The following CTNNA3 variants were observed in gnomAD, a reference collection of about 807,000 sequenced individuals.
CTNNA3 encodes the protein catenin alpha 3, also known as catenin alpha-3.
A neutral mutation model predicts 95.7 loss-of-function variants in CTNNA3; 76 were observed. The ratio of observed to expected loss-of-function variants is 0.79; its 90% CI spans 0.66 to 0.96. CTNNA3 has a LOEUF of 0.96. Among genes scored for constraint, CTNNA3 ranks in the 40% least tolerant of loss-of-function variants. The pLI is 0.00. For missense variants in CTNNA3, 1,191 were observed against 1,089.8 expected, an observed-to-expected ratio of 1.09 and a Z score of -1.31; for synonymous variants, 431 against 374.4, an observed-to-expected ratio of 1.15 and a Z score of -1.74.
chr10:66,977,474 C>T (rs952307200), intron 7 of CTNNA3, among the ~76,000 whole-genome samples: 1 of 151,938 alleles, frequency 6.6e-6, no homozygotes, highest in African/African-American at 2.4e-5. Context: ...TGATATGACC[C>T]TCAGCCTAAG....
chr10:66,700,810 C>T (rs1408433448), intron 9 of CTNNA3, among the ~76,000 whole-genome samples: 1 of 152,098 alleles, frequency 6.6e-6, no homozygotes, highest in Non-Finnish European at 1.5e-5. Context: ...CTAATTTGTT[C>T]CTGTGATCTA....
intron 7 of CTNNA3, among the ~76,000 whole-genome samples, chr10:66,959,291 A>G (rs2132763285): frequency 6.6e-6 from 1 of 152,314 alleles, no homozygotes; most frequent in South Asian, 2.1e-4. Context: ...TTCTCAGGGA[A>G]TGCCTGGATT....
At chr10:67,297,057 G>T (rs1840069644) in intron 5 of CTNNA3, among the ~76,000 whole-genome samples, 1 of 151,112 alleles carries the variant, frequency 6.6e-6, no homozygotes, top group East Asian at 2.0e-4. Flanking sequence ...ATATTGTTGA[G>T]CTTTGTATGA....
chr10:67,546,975 A>G (rs1479480125), intron 3 of CTNNA3, among the ~76,000 whole-genome samples: 1 of 152,188 alleles, frequency 6.6e-6, no homozygotes, highest in Admixed American at 6.5e-5. Flanking sequence ...AATTTTTAAT[A>G]AATGATACCT....
intron 5 of CTNNA3, among the ~76,000 whole-genome samples, chr10:67,285,013 A>G (rs1839542386): frequency 6.6e-6 from 1 of 152,096 alleles, no homozygotes; most frequent in African/African-American, 2.4e-5. Context: ...TGCCTCACCC[A>G]TTATCTTCAT....
chr10:66,329,981 T>C (rs2092304942), intron 12 of CTNNA3, among the ~76,000 whole-genome samples: 5 of 152,204 alleles, frequency 3.3e-5, no homozygotes, highest in African/African-American at 9.6e-5. Context: ...CTTGGTTAAA[T>C]GGGACATGAT....
chr10:66,850,464 T>C (rs1455559763), intron 7 of CTNNA3, among the ~76,000 whole-genome samples: 1 of 152,142 alleles, frequency 6.6e-6, no homozygotes, highest in African/African-American at 2.4e-5. Flanking sequence ...ATGAACCCTT[T>C]TATAGGGCAA....
At chr10:66,389,734 AGAGAGAG>A (rs2092921596) in intron 11 of CTNNA3, among the ~76,000 whole-genome samples, 1 of 126,046 alleles carries the variant, frequency 7.9e-6, no homozygotes, top group Admixed American at 8.3e-5. Flanking sequence ...GGAGAGAGAG[AGAGAGAG>A]AGAGAGAGAG....
chr10:66,717,250 T>C (rs1848481292), intron 9 of CTNNA3, among the ~76,000 whole-genome samples: 1 of 152,106 alleles, frequency 6.6e-6, no homozygotes, highest in Non-Finnish European at 1.5e-5. Flanking sequence ...CAATTCCTTT[T>C]GGAGGACCCC....
chr10:66,961,350 TA>T (rs1472553582), intron 7 of CTNNA3, among the ~76,000 whole-genome samples: 1 of 152,192 alleles, frequency 6.6e-6, no homozygotes, highest in Admixed American at 6.5e-5. Context: ...TTGCTCAGTC[TA>T]AAGTCAGTTC....
chr10:67,179,560 C>T (rs757174060), intron 7 of CTNNA3, among the ~76,000 whole-genome samples: 8 of 149,794 alleles, frequency 5.3e-5, no homozygotes, highest in South Asian at 2.1e-4. Flanking sequence ...GCCAAAACTA[C>T]GTGGGTGCCT....
intron 10 of CTNNA3, among the ~76,000 whole-genome samples, chr10:66,532,306 C>CA (rs1375018875): frequency 6.6e-6 from 1 of 151,782 alleles, no homozygotes; most frequent in Admixed American, 6.6e-5. Flanking sequence ...ACTAAAAATA[C>CA]AAAAAATTAG....
At position 67,056,194 on chromosome 10, in the gene CTNNA3, G is replaced by A. The variant is rs79466733; in HGVS notation, c.1047+124123C>T. Among the ~76,000 whole-genome samples the A allele has an allele frequency of 1.0e-2, 1,516 of 152,156 alleles. 30 individuals carry two copies. Among genetic ancestry groups the A allele is most frequent in the African/African-American group, 0.035 (1,438 of 41,522 alleles). On this transcript the variant is annotated intron_variant, in intron 7 of 17. Coordinates refer to ENST00000433211, the MANE Select transcript of CTNNA3 (RefSeq NM_013266.4). ...TATATCACATAAGAGTTGATTAACT[G>A]AGCTTTAATAAAATATGGTTGGTAT...
chr10:66,718,930 G>T (rs951709875), intron 9 of CTNNA3, among the ~76,000 whole-genome samples: 1 of 152,116 alleles, frequency 6.6e-6, no homozygotes, highest in Non-Finnish European at 1.5e-5. Context: ...TACCACTAAA[G>T]TAACATAGAA....
chr10:66,670,606 G>A lies in CTNNA3; in HGVS notation c.1282-48822C>T, dbSNP rs1052484654. ...TCACCGACTGATTTTTCTGTTCTCC[G>A]ATTCTGCCCTTAAAGGGTTCATGTG... On this transcript the variant is annotated intron_variant, in intron 9 of 17. Transcript: ENST00000433211. Among the ~76,000 whole-genome samples, 10 of 152,018 alleles carry A rather than the reference G, an allele frequency of 6.6e-5. No individual in the cohort carries two copies. The East Asian group carries it at 1.3e-3, about 21-fold the overall frequency.
chr10:66,209,070 A>G (rs1484419810), intron 13 of CTNNA3, among the ~76,000 whole-genome samples: 4 of 152,140 alleles, frequency 2.6e-5, no homozygotes, highest in African/African-American at 4.8e-5. Flanking sequence ...GTCCTCCAAT[A>G]CTATCCCCAT....
intron 13 of CTNNA3, among the ~76,000 whole-genome samples, chr10:66,268,989 G>A (rs1226424761): frequency 2.0e-5 from 3 of 152,158 alleles, no homozygotes; most frequent in African/African-American, 7.2e-5. Flanking sequence ...AACCATCATT[G>A]CAATAAGCTA....
chr10:67,066,894 A>G (rs766109756), intron 7 of CTNNA3, among the ~76,000 whole-genome samples: 1 of 152,200 alleles, frequency 6.6e-6, no homozygotes, highest in African/African-American at 2.4e-5. Flanking sequence ...GTAATGGTAA[A>G]TTAATATGGA....
intron 13 of CTNNA3, among the ~76,000 whole-genome samples, chr10:66,151,425 A>C (rs1022125891): frequency 6.6e-6 from 1 of 152,002 alleles, no homozygotes; most frequent in Non-Finnish European, 1.5e-5. Flanking sequence ...TGACACATGG[A>C]ATATCCATAG....
Sources: allele counts gnomAD v4.1 joint callset (sites outside exome capture counted in the v4.1 genomes callset), GRCh38; gene constraint gnomAD v4.1.1; transcripts MANE v1.5; gene names NCBI Gene and HGNC (gene_info 2026-07-23, HGNC 2026-07-21).